The following PCDHA2 variants were observed in gnomAD, a reference collection of about 807,000 sequenced individuals.
PCDHA2 encodes protocadherin alpha 2, also known as protocadherin alpha-2.
Under a neutral mutation model 66.0 loss-of-function variants are expected in PCDHA2, and 58 were observed. The observed-to-expected ratio is 0.88, with a 90% CI of 0.71 to 1.09. The LOEUF is 1.09. Ranked by LOEUF, PCDHA2 falls within the 50% of genes least tolerant of loss-of-function variation. PCDHA2 has a pLI of 0.00. For synonymous variants in PCDHA2, 634 were observed against 554.0 expected, an observed-to-expected ratio of 1.14 and a Z score of -2.03; for missense variants, 1,267 against 1,242.3, an observed-to-expected ratio of 1.02 and a Z score of -0.30.
chr5:140,850,855 G>A (rs1484311028), intron 1 of PCDHA2: 1 of 1,595,156 alleles, frequency 6.3e-7, no homozygotes, highest in Non-Finnish European at 8.6e-7. Flanking sequence ...GAGCGAACGG[G>A]AGAACCCTCT....
intron 3 of PCDHA2, among the ~76,000 whole-genome samples, chr5:141,001,278 C>A (rs182360019): frequency 6.6e-6 from 1 of 152,050 alleles, no homozygotes; most frequent in Non-Finnish European, 1.5e-5. Flanking sequence ...ACTTTTTTTA[C>A]GGATGAAAAC....
In PCDHA2 at chr5:140,830,374, G is replaced by A. The variant is rs150255684; in HGVS notation, c.2388+33022G>A. 1.2e-3 allele frequency: 1,975 copies of A among 1,614,156 alleles called. 3 individuals are homozygous for A. The highest frequency in any genetic ancestry group is 1.6e-3 in the Non-Finnish European group (1,872 of 1,180,020). On this transcript the variant is annotated intron_variant, in intron 1 of 3. Transcript: ENST00000526136. ...AGAGGCGGCAGAGGGTGTGCTCCGG[G>A]GAGGGCCCACCCAAGATGGATCTCA...
In PCDHA2 at chr5:140,801,598, C is replaced by T. The variant is rs868943817; in HGVS notation, c.2388+4246C>T. On this transcript the variant is annotated intron_variant, in intron 1 of 3. Transcript: ENST00000526136. ...ATTAATGACAACGCGCCAGTTTTTC[C>T]AATGGCTGTAAAGAATCTGTTTATT... 7 of 1,614,158 alleles carry T rather than the reference C, an allele frequency of 4.3e-6. No individual in the cohort carries two copies. In the Middle Eastern group the frequency reaches 9.9e-4, roughly 228 times the overall value.
intron 1 of PCDHA2, chr5:140,828,097 G>A: frequency 6.2e-7 from 1 of 1,606,162 alleles, no homozygotes; most frequent in Non-Finnish European, 8.5e-7. Flanking sequence ...TTGACATGGT[G>A]TTTACCCCGG....
chr5:140,836,466 G>A (rs1554135989), intron 1 of PCDHA2: 1 of 1,613,862 alleles, frequency 6.2e-7, no homozygotes, highest in Non-Finnish European at 8.5e-7. Flanking sequence ...CGAGCTGGTG[G>A]ATGTCAACGT....
intron 1 of PCDHA2, chr5:140,836,715 C>G: frequency 6.2e-7 from 1 of 1,612,974 alleles, no homozygotes; most frequent in Non-Finnish European, 8.5e-7. Flanking sequence ...CAGCCTTCCT[C>G]AGGGTCCATC....
At chr5:140,821,916 C>A (rs1554128319) in intron 1 of PCDHA2, 1 of 1,614,106 alleles carries the variant, frequency 6.2e-7, no homozygotes, top group East Asian at 2.2e-5. Context: ...TTGGCCGCAT[C>A]GCGCAGGACC....
chr5:140,988,694 C>T (rs1328459106), intron 3 of PCDHA2, among the ~76,000 whole-genome samples: 1 of 152,180 alleles, frequency 6.6e-6, no homozygotes, highest in Non-Finnish European at 1.5e-5. Flanking sequence ...CCTAGACGCT[C>T]TGTATTTTCT....
At chr5:140,821,516 G>A (rs1264771633) in intron 1 of PCDHA2, 3 of 397,680 alleles carry the variant, frequency 7.5e-6, no homozygotes, top group African/African-American at 2.0e-5. Flanking sequence ...GCTAAATAAA[G>A]CAAAACAAAA....
In PCDHA2 at chr5:140,982,477, C is replaced by G. The variant is rs782587733; in HGVS notation, c.2450C>G (p.Ser817Cys). ...SASLRAGMHS[S>C]VHLEEAGILR... ...TCTGGGTCTGTGTGTTTATTCAGCT[C>G]TGTGCACCTAGAGGAGGCTGGCATT... is the stretch of plus-strand genomic sequence containing the variant. Residue 817 changes from serine to cysteine, a missense_variant and splice_region_variant, in exon 3 of 4, where the codon TCT (serine) becomes TGT (cysteine). Coordinates refer to ENST00000526136, the MANE Select transcript of PCDHA2 (RefSeq NM_018905.3). 2 of 1,614,188 alleles carry G rather than the reference C, an allele frequency of 1.2e-6. No homozygotes were observed. Among genetic ancestry groups the G allele is most frequent in the Non-Finnish European group, 1.7e-6 (2 of 1,180,030 alleles).
intron 1 of PCDHA2, among the ~76,000 whole-genome samples, chr5:140,952,940 G>A (rs2094821781): frequency 6.6e-6 from 1 of 152,066 alleles, no homozygotes. Context: ...AGGAGCAAGA[G>A]AGAGAGAAGG....
intron 3 of PCDHA2, among the ~76,000 whole-genome samples, chr5:141,009,289 T>C (rs1474871800): frequency 1.4e-4 from 22 of 152,136 alleles, no homozygotes; most frequent in African/African-American, 5.1e-4. Context: ...ATCCCATTTC[T>C]ATAAAATTTT....
Position 141,009,608 on chromosome 5 carries a change from G to T in PCDHA2, c.2537-19G>T, listed in dbSNP as rs1350951999. On this transcript the variant is annotated intron_variant, in intron 3 of 3. Coordinates refer to ENST00000526136, the MANE Select transcript of PCDHA2 (RefSeq NM_018905.3). Reference sequence around the variant, plus strand: ...CATGTGTTGACCCTGTTAATGATTTGTAATGTTTTGTCTTTCAGAACCAGA... The same window carrying T: ...CATGTGTTGACCCTGTTAATGATTTTTAATGTTTTGTCTTTCAGAACCAGA... 1 of 1,610,774 alleles carries T rather than the reference G, an allele frequency of 6.2e-7. No individual in the cohort carries two copies. The highest frequency in any genetic ancestry group is 2.2e-5 in the East Asian group (1 of 44,832).
chr5:140,843,597 G>A, intron 1 of PCDHA2: 1 of 1,596,060 alleles, frequency 6.3e-7, no homozygotes. Flanking sequence ...CAGAGGGTGT[G>A]CTCTGGTGAG....
At chr5:140,815,435 T>G (rs1765725107) in intron 1 of PCDHA2, 1 of 152,166 alleles carries the variant, frequency 6.6e-6, no homozygotes, top group Non-Finnish European at 1.5e-5. Context: ...TGATAGCATC[T>G]TTACTACAAT....
At chr5:141,005,032 T>A (rs1031521338) in intron 3 of PCDHA2, among the ~76,000 whole-genome samples, 2 of 152,228 alleles carry the variant, frequency 1.3e-5, no homozygotes, top group Non-Finnish European at 2.9e-5. Context: ...TAATTGCCCA[T>A]ATGTGATACC....
intron 1 of PCDHA2, among the ~76,000 whole-genome samples, chr5:140,955,336 T>G (rs1294171389): frequency 1.3e-5 from 2 of 152,144 alleles, no homozygotes; most frequent in African/African-American, 2.4e-5. Context: ...GTTCCCATAA[T>G]CCCCACATGT....
At chr5:140,933,221 G>T (rs952837794) in intron 1 of PCDHA2, among the ~76,000 whole-genome samples, 1 of 151,758 alleles carries the variant, frequency 6.6e-6, no homozygotes, top group Non-Finnish European at 1.5e-5. Flanking sequence ...CTGTTATATT[G>T]CATTTATGAA....
At chr5:140,803,817 T>C in intron 1 of PCDHA2, 1 of 673,370 alleles carries the variant, frequency 1.5e-6, no homozygotes, top group Non-Finnish European at 2.5e-6. Context: ...TGTTTTGTTA[T>C]TAGGTGCAGT....
Sources: allele counts gnomAD v4.1 joint callset (sites outside exome capture counted in the v4.1 genomes callset), GRCh38; gene constraint gnomAD v4.1.1; transcripts MANE v1.5; gene names NCBI Gene and HGNC (gene_info 2026-07-23, HGNC 2026-07-21).